Variants in DCT observed in about 807,000 individuals in gnomAD.
DCT encodes the protein dopachrome tautomerase.
In DCT, 47 loss-of-function variants were observed where a neutral mutation model predicts 53.0. That is an observed-to-expected ratio of 0.89 (90% confidence interval 0.70 to 1.13). The LOEUF (loss-of-function observed/expected upper bound fraction) is 1.13. Among genes scored for constraint, DCT ranks in the 50% most tolerant of loss-of-function variants. The pLI is 0.00. For synonymous variants in DCT, 244 were observed against 237.0 expected, an observed-to-expected ratio of 1.03 and a Z score of -0.27; for missense variants, 669 against 637.4, an observed-to-expected ratio of 1.05 and a Z score of -0.53.
chr13:94,479,023 C>G lies in DCT; in HGVS notation c.233G>C (p.Arg78Pro). ...TRPWSGPYIL[R>P]NQDDRELWPR... ...CCACAGCTCACGGTCATCCTGGTTT[C>G]GTAGGATGTAGGGACCACTCCAGGG... The change falls in exon 1 of 8, where the codon CGA becomes CCA. Residue 78 changes from arginine (R) to proline (P), a missense_variant. Physicochemically the swap from Arg to Pro is moderately radical, Grantham distance 103 (BLOSUM62 -2). Transcript: ENST00000377028. The G allele has an allele frequency of 6.2e-7, 1 of 1,614,022 alleles. No individual in the cohort carries two copies. Among genetic ancestry groups the G allele is most frequent in the Non-Finnish European group, 8.5e-7 (1 of 1,179,898 alleles).
intron 6 of DCT, among the ~76,000 whole-genome samples, chr13:94,447,380 A>C (rs1204408598): frequency 6.6e-6 from 1 of 152,230 alleles, no homozygotes; most frequent in Non-Finnish European, 1.5e-5. Flanking sequence ...GGTGCAGTTC[A>C]TGATAGGGTT....
At position 94,468,970 on chromosome 13, in the gene DCT, G is replaced by T. The variant is rs139475690; in HGVS notation, c.371C>A (p.Pro124Gln). ...TGPNCERKKPPVIRQNIHSLS... is the reference protein window; with the variant it reads ...TGPNCERKKPQVIRQNIHSLS... ...GGAATGGATGTTCTGCCGAATCACT[G>T]GTGGTTTCTTCCGCTCGCAGTTGGG... The change falls in exon 2 of 8, where the codon CCA (proline) becomes CAA (glutamine). Residue 124 changes from proline to glutamine, a missense_variant. Transcript: ENST00000377028. 1.2e-6 allele frequency: 2 copies of T among 1,614,052 alleles called. No homozygotes were observed.
the DCT span, among the ~76,000 whole-genome samples, chr13:94,523,470 C>A: frequency 6.6e-6 from 1 of 152,160 alleles, no homozygotes; most frequent in Non-Finnish European, 1.5e-5. Flanking sequence ...ACCATCTAGT[C>A]TTGCAGTTAC....
intron 6 of DCT, among the ~76,000 whole-genome samples, chr13:94,455,381 T>TAGAGAGGGAGAGAGAGAG (rs1883343542): frequency 7.1e-6 from 1 of 141,652 alleles, no homozygotes; most frequent in Non-Finnish European, 1.5e-5. Context: ...GACTGTCTCT[T>TAGAGAGGGAGAGAGAGAG]AGAGAGAGAG....
At chr13:94,482,467 C>G (rs1425766327), upstream of DCT, among the ~76,000 whole-genome samples, 1 of 152,172 alleles carries the variant, frequency 6.6e-6, no homozygotes, top group Admixed American at 6.5e-5. Flanking sequence ...TTTAACACGT[C>G]TACAGCCAGC....
intron 2 of DCT, chr13:94,467,000 T>C (rs145806359): frequency 6.2e-6 from 1 of 162,446 alleles, no homozygotes; most frequent in Non-Finnish European, 1.3e-5. Flanking sequence ...AAAGAATAGA[T>C]CATTAAGACC....
intron 6 of DCT, chr13:94,445,545 G>T (rs1882662306): frequency 1.7e-6 from 1 of 599,240 alleles, no homozygotes; most frequent in Non-Finnish European, 3.0e-6. Context: ...AAGATGCTAG[G>T]CTAGAACTGC....
the DCT span, among the ~76,000 whole-genome samples, chr13:94,546,068 T>C: frequency 2.0e-5 from 3 of 152,136 alleles, no homozygotes; most frequent in African/African-American, 7.2e-5. This position sits in a 1 kb window ranked among gnomAD's most constrained non-coding sequence, Gnocchi z 4.2. Flanking sequence ...GGCACTTTCT[T>C]AGAGTACTTA....
At chr13:94,501,194 G>C in the DCT span, among the ~76,000 whole-genome samples, 1 of 152,108 alleles carries the variant, frequency 6.6e-6, no homozygotes, top group Non-Finnish European at 1.5e-5. Context: ...GCGTGAACCC[G>C]GGAGGCGGAG....
intron 2 of DCT, chr13:94,468,353 G>A: frequency 5.0e-6 from 1 of 199,228 alleles, no homozygotes; most frequent in East Asian, 1.2e-4. Context: ...CTTAGCACAT[G>A]TTCAGTTAAT....
At chr13:94,537,283 C>T in the DCT span, among the ~76,000 whole-genome samples, 1 of 152,220 alleles carries the variant, frequency 6.6e-6, no homozygotes, top group African/African-American at 2.4e-5. Context: ...AATCTCATTT[C>T]TCTAGAAAGT....
At chr13:94,520,514 A>T in the DCT span, among the ~76,000 whole-genome samples, 1 of 152,234 alleles carries the variant, frequency 6.6e-6, no homozygotes, top group Non-Finnish European at 1.5e-5. Context: ...CACGTTGAGG[A>T]GCCTCAGATC....
the DCT span, among the ~76,000 whole-genome samples, chr13:94,495,837 G>T: frequency 6.6e-6 from 1 of 152,142 alleles, no homozygotes; most frequent in African/African-American, 2.4e-5. Context: ...AACTGTGAGG[G>T]TTTTCTTTTA....
the DCT span, among the ~76,000 whole-genome samples, chr13:94,520,216 C>A: frequency 6.6e-6 from 1 of 152,144 alleles, no homozygotes; most frequent in Non-Finnish European, 1.5e-5. Flanking sequence ...AAGGAAAAGA[C>A]AACCCTTTGT....
chr13:94,520,941 A>C, the DCT span, among the ~76,000 whole-genome samples: 2 of 152,198 alleles, frequency 1.3e-5, 1 homozygote, highest in South Asian at 4.1e-4. Context: ...AGCTCATGGG[A>C]CAGAATACAG....
chr13:94,540,886 C>A, the DCT span, among the ~76,000 whole-genome samples: 1 of 152,280 alleles, frequency 6.6e-6, no homozygotes, highest in South Asian at 2.1e-4. Flanking sequence ...AGCTAAAATA[C>A]AGACTCAATC....
chr13:94,536,799 G>A, the DCT span, among the ~76,000 whole-genome samples: 8 of 152,048 alleles, frequency 5.3e-5, no homozygotes, highest in Non-Finnish European at 8.8e-5. Flanking sequence ...AAAAATTAGC[G>A]GAGGTGTAGT....
intron 1 of DCT, among the ~76,000 whole-genome samples, chr13:94,478,286 A>T (rs924020670): frequency 6.6e-6 from 1 of 151,948 alleles, no homozygotes; most frequent in African/African-American, 2.4e-5. Context: ...GTTCGGGACC[A>T]GCTTGGCCAA....
At chr13:94,480,671 A>G (rs1422962386), upstream of DCT, among the ~76,000 whole-genome samples, 1 of 152,156 alleles carries the variant, frequency 6.6e-6, no homozygotes, top group Non-Finnish European at 1.5e-5. Flanking sequence ...CTGACTCTAC[A>G]CCAATATCAG....
Sources: gnomAD v4.1 joint callset for allele counts (sites outside exome capture counted in the v4.1 genomes callset) on GRCh38, gnomAD v4.1.1 for gene constraint, Gnocchi (gnomAD v3.1) non-coding constraint, MANE v1.5 for transcripts, NCBI Gene and HGNC (gene_info 2026-07-23, HGNC 2026-07-21) for gene names.